Variants in MYT1 observed in about 807,000 individuals in gnomAD.
The protein encoded by MYT1 is myelin transcription factor 1, also known as myelin transcription factor I.
MYT1 carries 23 observed loss-of-function variants against 123.0 expected under a neutral mutation model. The observed-to-expected ratio is 0.19, with a 90% CI of 0.13 to 0.26. The LOEUF (loss-of-function observed/expected upper bound fraction) is 0.26. Among genes scored for constraint, MYT1 ranks in the 10% least tolerant of loss-of-function variants. The pLI is 1.00. For missense variants in MYT1, 1,125 were observed against 1,472.5 expected (o/e 0.76, Z 3.86); for synonymous variants, 518 against 575.3 (o/e 0.90, Z 1.43).
intron 2 of MYT1, among the ~76,000 whole-genome samples, chr20:64,195,647 C>G (rs1983098031): frequency 6.6e-6 from 1 of 152,200 alleles, no homozygotes; most frequent in African/African-American, 2.4e-5. Flanking sequence ...CCACCCGCCT[C>G]AGCCTCTTAA....
At chr20:64,171,344 T>A (rs569165599) in intron 1 of MYT1, among the ~76,000 whole-genome samples, 1 of 152,262 alleles carries the variant, frequency 6.6e-6, no homozygotes, top group Non-Finnish European at 1.5e-5. Context: ...CAAAGGGATT[T>A]GTTACTGAAT....
chr20:64,225,609 T>TTGG (rs1331510921), intron 16 of MYT1, among the ~76,000 whole-genome samples: 1 of 152,080 alleles, frequency 6.6e-6, no homozygotes, highest in African/African-American at 2.4e-5. Flanking sequence ...CTGGTGTGTA[T>TTGG]TGCCAAGGTA....
intron 2 of MYT1, among the ~76,000 whole-genome samples, chr20:64,195,105 C>T (rs552509888): frequency 9.9e-5 from 15 of 151,938 alleles, no homozygotes; most frequent in African/African-American, 2.4e-4. Context: ...ATGCCTGCCT[C>T]GGCCTCCCAA....
intron 10 of MYT1, among the ~76,000 whole-genome samples, chr20:64,216,472 G>C (rs1568714435): frequency 6.6e-6 from 1 of 152,242 alleles, no homozygotes; most frequent in African/African-American, 2.4e-5. Flanking sequence ...CCTTCCAACA[G>C]TTCCTTGAGG....
intron 1 of MYT1, among the ~76,000 whole-genome samples, chr20:64,180,057 TA>T (rs1982599158): frequency 6.6e-6 from 1 of 150,636 alleles, no homozygotes; most frequent in Non-Finnish European, 1.5e-5. Flanking sequence ...CACACACAGT[TA>T]CACACCACAC....
intron 10 of MYT1, among the ~76,000 whole-genome samples, chr20:64,215,511 A>G (rs951531334): frequency 6.6e-6 from 1 of 152,184 alleles, no homozygotes; most frequent in African/African-American, 2.4e-5. Flanking sequence ...ATTGTGGACA[A>G]TAAGTGTACA....
Position 64,167,172 on chromosome 20 carries a change from C to T in MYT1, c.-99+2433C>T, listed in dbSNP as rs528011100. Among the ~76,000 whole-genome samples, 119 of 152,294 alleles carry T rather than the reference C, an allele frequency of 7.8e-4. No homozygotes were observed. The highest frequency in any genetic ancestry group is 2.6e-3 in the African/African-American group (108 of 41,558). On this transcript the variant is annotated intron_variant, in intron 1 of 22. Transcript: ENST00000328439. The surrounding 1 kb of genome is among the most constrained non-coding windows in gnomAD (Gnocchi z 6.3). ...CTGGGCCGCTTGGAATGCCAGTTTG[C>T]ACAACCCAGTACTGTGCAGAGAGAG...
rs1167209261 is a variant in MYT1 at position 64,223,008 on chromosome 20, G to A, written c.2397-103G>A. 11 of 1,326,268 alleles carry A rather than the reference G, an allele frequency of 8.3e-6. No individual in the cohort carries two copies. In the African/African-American group the frequency reaches 8.6e-5, roughly 10 times the overall value. The allele number at this position is 1,326,268 out of a possible 1,614,324, so 82.2% of individuals were successfully genotyped here. A position where few individuals can be genotyped will look rare whatever the true frequency, so the allele number is the denominator to read the frequency against. ...GAGGAGGGGCCACCGCTTGGCTCGC[G>A]GGTGAGCCAGGAGTGGGCACCAGTC... On this transcript the variant is annotated intron_variant, in intron 14 of 22. Transcript: ENST00000328439.
rs1325322826 is a variant in MYT1 at position 64,168,002 on chromosome 20, G to A, written c.-99+3263G>A. ...TTTGGGGACTGCGGGACCCATCCCC[G>A]CTCCAGGACAGCCCCACTGGGGAGC... is the stretch of plus-strand genomic sequence containing the variant. On this transcript the variant is annotated intron_variant, in intron 1 of 22. Transcript: ENST00000328439. This position sits in a 1 kb window ranked among gnomAD's most constrained non-coding sequence, Gnocchi z 6.1. Among the ~76,000 whole-genome samples, 1 of 152,154 alleles carries A rather than the reference G, an allele frequency of 6.6e-6. No homozygotes were observed. Among genetic ancestry groups the A allele is most frequent in the Non-Finnish European group, 1.5e-5 (1 of 68,010 alleles).
intron 19 of MYT1, among the ~76,000 whole-genome samples, chr20:64,235,638 G>A (rs1984497805): frequency 6.8e-6 from 1 of 147,016 alleles, no homozygotes; most frequent in Admixed American, 6.7e-5. Flanking sequence ...ACCCTGGGCT[G>A]GCCGTGGTGG....
chr20:64,213,626 C>G lies in MYT1; in HGVS notation c.1610C>G (p.Ser537Cys), dbSNP rs140907107. Residue 537 changes from serine to cysteine, a missense_variant, in exon 10 of 23, where the codon TCC (serine) becomes TGC (cysteine). Around this residue, in one of 4 missense-constraint regions of MYT1, gnomAD observed 429 missense variants for 604.1 expected, o/e 0.71. Coordinates refer to ENST00000328439, the MANE Select transcript of MYT1 (RefSeq NM_004535.3). The surrounding 1 kb of genome is among the most constrained non-coding windows in gnomAD (Gnocchi z 5.6). ...PQTGDPSKSS[S>C]NSDRILRPMC... ...ACAGGAGATCCTTCCAAGAGTAGCT[C>G]CAATTCCGATCGGATCCTCAGGTGA... is the stretch of plus-strand genomic sequence containing the variant. 725 of 1,613,958 alleles carry G rather than the reference C, an allele frequency of 4.5e-4. 4 individuals carry two copies. The highest frequency in any genetic ancestry group is 1.6e-4 in the Middle Eastern group (1 of 6,078).
At chr20:64,183,674 T>C (rs1982717129) in intron 1 of MYT1, among the ~76,000 whole-genome samples, 1 of 152,236 alleles carries the variant, frequency 6.6e-6, no homozygotes, top group Non-Finnish European at 1.5e-5. Flanking sequence ...TCTGTTCAAG[T>C]CCTCTGCTCA....
chr20:64,235,983 G>C (rs1984523661), intron 19 of MYT1, among the ~76,000 whole-genome samples: 1 of 138,174 alleles, frequency 7.2e-6, no homozygotes. Flanking sequence ...TGGCCGCGGT[G>C]GGTGACCCTG....
chr20:64,232,537 G>C lies in MYT1; in HGVS notation c.2897+152G>C, dbSNP rs1984352956. On this transcript the variant is annotated intron_variant, in intron 19 of 22. Coordinates refer to ENST00000328439, the MANE Select transcript of MYT1 (RefSeq NM_004535.3). The surrounding 1 kb of genome is among the most constrained non-coding windows in gnomAD (Gnocchi z 6.9). ...GGCCAGGCCACATGGGTAGCGGATG[G>C]GGGAGGCTAGCGGGTCTGTTGGTGC... 4.1e-6 allele frequency: 3 copies of C among 735,892 alleles called. No homozygotes were observed. The highest frequency in any genetic ancestry group is 6.7e-6 in the Non-Finnish European group (3 of 447,616). The allele number at this position is 735,892 out of a possible 1,614,324, so 45.6% of individuals were successfully genotyped here.
At position 64,193,185 on chromosome 20, in the gene MYT1, C is replaced by T. The variant is rs1042517536; in HGVS notation, c.-1+3025C>T. 6.6e-6 allele frequency among the ~76,000 whole-genome samples: 1 copy of T among 152,128 alleles called. No homozygotes were observed. Among genetic ancestry groups the T allele is most frequent in the East Asian group, 1.9e-4 (1 of 5,194 alleles). On this transcript the variant is annotated intron_variant, in intron 2 of 22. Transcript: ENST00000328439. The surrounding 1 kb of genome is among the most constrained non-coding windows in gnomAD (Gnocchi z 4.0). ...GGACAGAACTATCTCTGCAAGGAAC[C>T]AAGGGTACTGTGATGGCTGCCAGTG...
In MYT1 at chr20:64,202,016, C is replaced by CCCGCG. The variant is rs1568708218; in HGVS notation, c.86+2094_86+2095insCCGCG. Among the ~76,000 whole-genome samples, 2 of 54,984 alleles carry CCCGCG rather than the reference C, an allele frequency of 3.6e-5. No individual in the cohort carries two copies. The highest frequency in any genetic ancestry group is 1.0e-3 in the East Asian group (2 of 1,934). The allele number at this position is 54,984 out of a possible 152,430, so 36.1% of individuals were successfully genotyped here. A position where few individuals can be genotyped will look rare whatever the true frequency, so the allele number is the denominator to read the frequency against. On this transcript the variant is annotated intron_variant, in intron 4 of 22. Transcript: ENST00000328439. This position sits in a 1 kb window ranked among gnomAD's most constrained non-coding sequence, Gnocchi z 5.0. ...GGGAACCCCCGCGTGTCGGGAACCC[C>CCCGCG]TCGCGTGTCGGGAACCCCCGCGTGT...
rs566462737 is a variant in MYT1, at chr20:64,166,401, C to T, written c.-99+1662C>T. Among the ~76,000 whole-genome samples, 3 of 152,280 alleles carry T rather than the reference C, an allele frequency of 2.0e-5. No homozygotes were observed. The highest frequency in any genetic ancestry group is 4.8e-5 in the African/African-American group (2 of 41,562). On this transcript the variant is annotated intron_variant, in intron 1 of 22. Transcript: ENST00000328439. This position sits in a 1 kb window ranked among gnomAD's most constrained non-coding sequence, Gnocchi z 4.9. ...ACCCCCTGGGCACCTGGACGTTTGCCGAACTTCCCAGGGGTACTTGCTGAT... is the reference window on the plus strand; with the variant it reads ...ACCCCCTGGGCACCTGGACGTTTGCTGAACTTCCCAGGGGTACTTGCTGAT...
chr20:64,240,042 A>G (rs1387659676), intron 22 of MYT1, 139 bp downstream of exon 22: 2 of 1,338,194 alleles, frequency 1.5e-6, no homozygotes, highest in African/African-American at 2.9e-5. Context: ...GATTCTCTCC[A>G]CCCCGAATGG....
At position 64,198,815 on chromosome 20, in the gene MYT1, G is replaced by A. The variant is rs373252869; in HGVS notation, c.1-47G>A. The stretch of plus-strand genomic sequence containing the variant: ...ATTCCTGATGGCTCTGTACTCCAGA[G>A]GCACTGGCTGGGTTTTCTTGTTAAC... On this transcript the variant is annotated intron_variant, in intron 2 of 22. Transcript: ENST00000328439. 4,431 of 1,605,532 alleles carry A rather than the reference G, an allele frequency of 2.8e-3. 164 individuals carry two copies. The South Asian group carries it at 0.045, about 16-fold the overall frequency.
Sources: gnomAD v4.1 joint callset for allele counts (sites outside exome capture counted in the v4.1 genomes callset) on GRCh38, gnomAD v4.1.1 for gene constraint, gnomAD v4.1.1 regional missense constraint, Gnocchi (gnomAD v3.1) non-coding constraint, MANE v1.5 for transcripts, NCBI Gene and HGNC (gene_info 2026-07-23, HGNC 2026-07-21) for gene names.